TMEM176B: variants seen among roughly 807,000 people sequenced by gnomAD.
TMEM176B encodes transmembrane protein 176B.
Under a neutral mutation model 30.3 loss-of-function variants are expected in TMEM176B, and 28 were observed. The observed-to-expected ratio is 0.92, with a 90% CI of 0.68 to 1.27. The LOEUF is 1.27. Ranked by LOEUF, TMEM176B falls within the 50% of genes most tolerant of loss-of-function variation. TMEM176B has a pLI of 0.00. For synonymous variants in TMEM176B, 123 were observed against 130.3 expected (o/e 0.94, Z 0.38); for missense variants, 349 against 327.4 (o/e 1.07, Z -0.51).
rs1312158603 is a variant in TMEM176B at position 150,793,477 on chromosome 7, CAG to C, written c.372+65_372+66del. 4.2e-5 allele frequency: 67 copies of C among 1,584,904 alleles called. No homozygotes were observed. In the Middle Eastern group the frequency reaches 6.6e-4, roughly 16 times the overall value. ...ATATTGACAACCAAAGGGCAGAAGA[CAG>C]ATAATGGAGCAGAATTCAGGAGGGG... is the stretch of plus-strand genomic sequence containing the variant. On this transcript the variant is annotated intron_variant, in intron 4 of 6. Coordinates refer to ENST00000326442, the MANE Select transcript of TMEM176B (RefSeq NM_001101312.2).
chr7:150,797,556 A>G (rs1311334682), intron 1 of TMEM176B, among the ~76,000 whole-genome samples: 1 of 152,238 alleles, frequency 6.6e-6, no homozygotes, highest in Non-Finnish European at 1.5e-5. Flanking sequence ...AGGGTGACAC[A>G]AGTCCAGGGT....
intron 2 of TMEM176B, among the ~76,000 whole-genome samples, chr7:150,795,644 A>C (rs1352230310): frequency 6.6e-6 from 1 of 152,202 alleles, no homozygotes; most frequent in Non-Finnish European, 1.5e-5. Flanking sequence ...ATGTGGGGTC[A>C]ATAAAACCGA....
intron 1 of TMEM176B, among the ~76,000 whole-genome samples, chr7:150,798,721 C>G (rs1207583793): frequency 6.6e-6 from 1 of 152,142 alleles, no homozygotes; most frequent in Non-Finnish European, 1.5e-5. Flanking sequence ...CCATAGTTCT[C>G]TTATTATGAG....
At chr7:150,796,725 GAGGTGGGT>G in intron 1 of TMEM176B, 151 bp from the exon 2 acceptor site, 1 of 734,062 alleles carries the variant, frequency 1.4e-6, no homozygotes, top group Non-Finnish European at 2.2e-6. Context: ...TTGGGAGGCT[GAGGTGGGT>G]GGATTACCTG....
At chr7:150,794,947 A>C (rs897616134) in intron 2 of TMEM176B, among the ~76,000 whole-genome samples, 1 of 131,886 alleles carries the variant, frequency 7.6e-6, no homozygotes, top group Non-Finnish European at 1.7e-5. Flanking sequence ...ACACACACAC[A>C]CCTCTCGAAT....
At chr7:150,795,048 G>T (rs1326946839) in intron 2 of TMEM176B, among the ~76,000 whole-genome samples, 1 of 151,872 alleles carries the variant, frequency 6.6e-6, no homozygotes, top group East Asian at 1.9e-4. Flanking sequence ...CTTTCCTTAT[G>T]CCCCAAACCC....
chr7:150,794,076 A>G lies in TMEM176B; in HGVS notation c.205-5T>C. On this transcript the variant is annotated splice_region_variant and splice_polypyrimidine_tract_variant and intron_variant, in intron 2 of 6. Coordinates refer to ENST00000326442, the MANE Select transcript of TMEM176B (RefSeq NM_001101312.2). ...CCCCAGCAATATCTGAGTCACCTGC[A>G]AGACAGGATGAGAAACCAGACCCCT... 6.2e-7 allele frequency: 1 copy of G among 1,610,262 alleles called. No individual in the cohort carries two copies. Among genetic ancestry groups the G allele is most frequent in the Non-Finnish European group, 8.5e-7 (1 of 1,177,858 alleles).
rs1277175595 is a variant in TMEM176B at position 150,792,047 on chromosome 7, A to T, written c.720+9T>A. 3.1e-6 allele frequency: 5 copies of T among 1,613,288 alleles called. No individual in the cohort carries two copies. The highest frequency in any genetic ancestry group is 1.6e-4 in the Middle Eastern group (1 of 6,082). ...CACGCTGCCCAGAGGCCCCTCCCCGACAACTCACCAGGGGCTGGGAGCTCT... is the reference window on the plus strand; with the variant it reads ...CACGCTGCCCAGAGGCCCCTCCCCGTCAACTCACCAGGGGCTGGGAGCTCT... On this transcript the variant is annotated intron_variant, in intron 6 of 6. Coordinates refer to ENST00000326442, the MANE Select transcript of TMEM176B (RefSeq NM_001101312.2).
chr7:150,796,658 G>T lies in TMEM176B; in HGVS notation c.-5-84C>A, dbSNP rs111812054. On this transcript the variant is annotated intron_variant, in intron 1 of 6. Transcript: ENST00000326442. ...CAGCACAGGTGAAAGGAGAGAAATA[G>T]TGTCTTTGTCAAGATCCCAGCTGGG... is the stretch of plus-strand genomic sequence containing the variant. The T allele has an allele frequency of 1.7e-5, 24 of 1,380,696 alleles. 1 individual carries two copies. Among genetic ancestry groups the T allele is most frequent in the Middle Eastern group, 2.5e-4 (1 of 4,004 alleles). The allele number at this position is 1,380,696 out of a possible 1,614,324, so 85.5% of individuals were successfully genotyped here.
At chr7:150,794,813 A>G (rs1798457738) in intron 2 of TMEM176B, among the ~76,000 whole-genome samples, 1 of 151,892 alleles carries the variant, frequency 6.6e-6, no homozygotes, top group Non-Finnish European at 1.5e-5. Context: ...ACTCCGACTC[A>G]GAAGAGAACT....
At position 150,796,440 on chromosome 7, in the gene TMEM176B, T is replaced by G. The variant is rs1017208387; in HGVS notation, c.130A>C (p.Lys44Gln). Residue 44 changes from lysine to glutamine, a missense_variant, in exon 2 of 7, where the codon AAG becomes CAG. Coordinates refer to ENST00000326442, the MANE Select transcript of TMEM176B (RefSeq NM_001101312.2). The part of the protein sequence containing the change: ...TQLLKAGGSL[K>Q]KFLFHPGDTV... ...TCCCCAGGGTGAAAAAGAAACTTCT[T>G]CAGAGAACCTCCAGCTTTCAGCAGT... 1 of 1,614,202 alleles carries G rather than the reference T, an allele frequency of 6.2e-7. No individual in the cohort carries two copies.
upstream of TMEM176B, chr7:150,800,990 T>C (rs1026066913): frequency 3.0e-6 from 3 of 985,348 alleles, no homozygotes. Flanking sequence ...GCTTTTGACC[T>C]ACCTCCGCAC....
At position 150,796,412 on chromosome 7, in the gene TMEM176B, G is replaced by A; in HGVS notation, c.158C>T (p.Thr53Ile). ...LKKFLFHPGDTVPSTARIGYE... is the reference protein window; with the variant it reads ...LKKFLFHPGDIVPSTARIGYE... ...ACCAATCCTGGCTGTGGAAGGCACA[G>A]TGTCCCCAGGGTGAAAAAGAAACTT... Residue 53 changes from threonine to isoleucine, a missense_variant, in exon 2 of 7, where the codon ACT becomes ATT. Thr to Ile is a moderately conservative substitution (Grantham distance 89). Coordinates refer to ENST00000326442, the MANE Select transcript of TMEM176B (RefSeq NM_001101312.2). 1 of 1,614,192 alleles carries A rather than the reference G, an allele frequency of 6.2e-7. No homozygotes were observed. The highest frequency in any genetic ancestry group is 8.5e-7 in the Non-Finnish European group (1 of 1,180,048).
chr7:150,794,396 C>T (rs1288603489), intron 2 of TMEM176B, among the ~76,000 whole-genome samples: 1 of 151,960 alleles, frequency 6.6e-6, no homozygotes, highest in Non-Finnish European at 1.5e-5. Context: ...CCATCCAAAC[C>T]CCCAGCCTGA....
At chr7:150,798,401 C>G (rs1444175600) in intron 1 of TMEM176B, among the ~76,000 whole-genome samples, 27 of 152,196 alleles carry the variant, frequency 1.8e-4, no homozygotes, top group Admixed American at 1.8e-3. Context: ...CCTGCCTCAG[C>G]CTCCCGAGTA....
chr7:150,801,134 G>C, upstream of TMEM176B: 2 of 295,368 alleles, frequency 6.8e-6, no homozygotes, highest in Non-Finnish European at 1.0e-5. Context: ...GCTGGCACAG[G>C]AGCTCCACAG....
At chr7:150,799,548 T>C (rs1232685866) in intron 1 of TMEM176B, among the ~76,000 whole-genome samples, 1 of 152,264 alleles carries the variant, frequency 6.6e-6, no homozygotes, top group Non-Finnish European at 1.5e-5. Flanking sequence ...TATTAACAAT[T>C]CTAATAACAC....
At chr7:150,792,793 G>A (rs1166429559) in intron 5 of TMEM176B, among the ~76,000 whole-genome samples, 1 of 152,196 alleles carries the variant, frequency 6.6e-6, no homozygotes, top group Admixed American at 6.5e-5. Context: ...TTTTGGTGTG[G>A]TTTTTAATTC....
chr7:150,796,265 C>T, intron 2 of TMEM176B, 101 bp downstream of exon 2: 1 of 1,195,010 alleles, frequency 8.4e-7, no homozygotes, highest in Non-Finnish European at 1.2e-6. Flanking sequence ...ATTCTCTCCT[C>T]CCAAATAAAA....
Sources: gnomAD v4.1 joint callset for allele counts (sites outside exome capture counted in the v4.1 genomes callset) on GRCh38, gnomAD v4.1.1 for gene constraint, MANE v1.5 for transcripts, NCBI Gene and HGNC (gene_info 2026-07-23, HGNC 2026-07-21) for gene names.